The following SCARA5 variants were observed in gnomAD, a reference collection of about 807,000 sequenced individuals.
SCARA5 encodes the protein scavenger receptor class A, member 5 (putative).
In SCARA5, 45 loss-of-function variants were observed where a neutral mutation model predicts 46.3. That is an observed-to-expected ratio of 0.97 (90% CI 0.76 to 1.24). The LOEUF is 1.24. Among genes scored for constraint, SCARA5 ranks in the 50% most tolerant of loss-of-function variants. The pLI is 0.00. For missense variants in SCARA5, 680 were observed against 689.0 expected, an observed-to-expected ratio of 0.99 and a Z score of 0.15; for synonymous variants, 333 against 306.5, an observed-to-expected ratio of 1.09 and a Z score of -0.90.
At chr8:27,989,206 G>A (rs1808751521) in intron 1 of SCARA5, among the ~76,000 whole-genome samples, 1 of 135,232 alleles carries the variant, frequency 7.4e-6, no homozygotes, top group South Asian at 2.3e-4. Flanking sequence ...TGCAGTCTTG[G>A]CTCACTGCAA....
intron 3 of SCARA5, among the ~76,000 whole-genome samples, chr8:27,932,226 C>A (rs1807786415): frequency 1.3e-5 from 2 of 152,144 alleles, no homozygotes; most frequent in Non-Finnish European, 1.5e-5. Context: ...GCAATCTGCC[C>A]ACCTTGTCCT....
chr8:27,969,660 GATA>G (rs1300493478), intron 2 of SCARA5, among the ~76,000 whole-genome samples: 1 of 152,192 alleles, frequency 6.6e-6, no homozygotes, highest in East Asian at 1.9e-4. Context: ...GGCTCTGGGA[GATA>G]ATGATGTGTC....
intron 5 of SCARA5, among the ~76,000 whole-genome samples, chr8:27,909,307 A>G (rs1249020466): frequency 6.6e-6 from 1 of 152,090 alleles, no homozygotes; most frequent in Admixed American, 6.6e-5. Flanking sequence ...AGTGATCAGG[A>G]AACACTGATG....
chr8:27,956,658 C>G (rs1808212507), intron 3 of SCARA5, among the ~76,000 whole-genome samples: 1 of 152,242 alleles, frequency 6.6e-6, no homozygotes, highest in East Asian at 1.9e-4. Context: ...TCCTAGTTCT[C>G]AAGCTTCTGA....
chr8:27,880,271 T>C (rs1806790330), intron 7 of SCARA5, among the ~76,000 whole-genome samples: 1 of 152,066 alleles, frequency 6.6e-6, no homozygotes, highest in East Asian at 1.9e-4. Flanking sequence ...TGGGAAACAT[T>C]ATTCTGGACA....
At chr8:27,952,842 A>G (rs537299232) in intron 3 of SCARA5, among the ~76,000 whole-genome samples, 1 of 152,332 alleles carries the variant, frequency 6.6e-6, no homozygotes, top group East Asian at 1.9e-4. Flanking sequence ...GTCGTAACAC[A>G]TACCCAGTTC....
intron 7 of SCARA5, among the ~76,000 whole-genome samples, chr8:27,889,407 A>G (rs1377987678): frequency 6.6e-6 from 1 of 152,172 alleles, no homozygotes; most frequent in African/African-American, 2.4e-5. Flanking sequence ...CTTGAAGATG[A>G]CACAGTCCAC....
intron 3 of SCARA5, among the ~76,000 whole-genome samples, chr8:27,933,462 C>G (rs1434549582): frequency 1.4e-5 from 2 of 143,036 alleles, no homozygotes; most frequent in Non-Finnish European, 3.0e-5. Context: ...GTAGAGGTTG[C>G]AGTGAGCCAA....
chr8:27,910,999 C>T (rs1035882018), intron 4 of SCARA5, among the ~76,000 whole-genome samples: 2 of 152,174 alleles, frequency 1.3e-5, no homozygotes, highest in Admixed American at 6.5e-5. Context: ...GACCTGCCCA[C>T]GTCCACTCTG....
intron 3 of SCARA5, among the ~76,000 whole-genome samples, chr8:27,940,761 T>TCCAC (rs1563532893): frequency 6.7e-3 from 10 of 1,484 alleles, no homozygotes; most frequent in African/African-American, 7.0e-3. Flanking sequence ...CAACCATCTG[T>TCCAC]CCATCCATCC....
At chr8:27,941,178 G>C (rs1200845789) in intron 3 of SCARA5, among the ~76,000 whole-genome samples, 1 of 152,098 alleles carries the variant, frequency 6.6e-6, no homozygotes, top group Non-Finnish European at 1.5e-5. Context: ...AGATGATATA[G>C]AGGAAGCAGA....
intron 3 of SCARA5, among the ~76,000 whole-genome samples, chr8:27,940,991 T>C (rs1461139583): frequency 6.6e-6 from 1 of 152,188 alleles, no homozygotes; most frequent in African/African-American, 2.4e-5. Flanking sequence ...AACACTCCTA[T>C]GAAATTTTGC....
chr8:27,870,600 C>G lies in SCARA5; in HGVS notation c.*1334G>C, dbSNP rs139805160. 6.6e-6 allele frequency: 1 copy of G among 152,286 alleles called. No homozygotes were observed. The highest frequency in any genetic ancestry group is 1.9e-4 in the East Asian group (1 of 5,176). 9.4% of individuals were successfully genotyped at this position (152,286 alleles called of 1,614,324 possible). ...CCAAGGTGAGGTGGGTCTGCACTCA[C>G]TTGCTACCAGGTAGCTCCCCTAGTT... On this transcript the variant is annotated 3_prime_UTR_variant, in exon 9 of 9. Coordinates refer to ENST00000354914, the MANE Select transcript of SCARA5 (RefSeq NM_173833.6).
At position 27,871,982 on chromosome 8, in the gene SCARA5, T is replaced by G; in HGVS notation, c.1440A>C (p.Thr480=). 3 of 1,614,252 alleles carry G rather than the reference T, an allele frequency of 1.9e-6. No homozygotes were observed. The highest frequency in any genetic ancestry group is 2.5e-6 in the Non-Finnish European group (3 of 1,180,056). Residue 480 remains threonine (T), a synonymous_variant, in exon 9 of 9, where the codon ACA becomes ACC. Transcript: ENST00000354914. ...TGGCATCTTCGGCATGTCCACAGTT[T>G]GTCACCCCCCATTTGGAGAAGCTGC... is the stretch of plus-strand genomic sequence containing the variant. ...FRCSFSKWGV[T]NCGHAEDASV...
chr8:27,874,833 C>T (rs968114311), intron 8 of SCARA5, among the ~76,000 whole-genome samples: 4 of 152,206 alleles, frequency 2.6e-5, no homozygotes, highest in African/African-American at 9.7e-5. Context: ...ATGCTCCCAG[C>T]TGCGCTAGGT....
In SCARA5 at chr8:27,870,382, C is replaced by T. The variant is rs1364266009; in HGVS notation, c.*1552G>A. 1.3e-5 allele frequency: 2 copies of T among 152,504 alleles called. No individual in the cohort carries two copies. Among genetic ancestry groups the T allele is most frequent in the Admixed American group, 6.6e-5 (1 of 15,246 alleles). The allele number at this position is 152,504 out of a possible 1,614,324, so 9.4% of individuals were successfully genotyped here. A position where few individuals can be genotyped will look rare whatever the true frequency, so the allele number is the denominator to read the frequency against. ...GCAATTGGTCAGAAAGAGAGTTTCT[C>T]ATCATTAGGACATTTAAGGAGTGGC... On this transcript the variant is annotated 3_prime_UTR_variant, in exon 9 of 9. Transcript: ENST00000354914.
intron 3 of SCARA5, among the ~76,000 whole-genome samples, chr8:27,960,605 C>T (rs993979390): frequency 1.3e-5 from 2 of 152,176 alleles, no homozygotes; most frequent in African/African-American, 2.4e-5. Flanking sequence ...AACCAAGTCC[C>T]TTGGAGGTTA....
intron 7 of SCARA5, among the ~76,000 whole-genome samples, chr8:27,882,710 C>T (rs1048185490): frequency 1.3e-5 from 2 of 152,192 alleles, no homozygotes; most frequent in Admixed American, 6.5e-5. Context: ...TGAGATGCCA[C>T]CTGTTGTAAT....
intron 3 of SCARA5, among the ~76,000 whole-genome samples, chr8:27,965,517 G>T (rs970036579): frequency 2.6e-5 from 3 of 115,012 alleles, no homozygotes; most frequent in Non-Finnish European, 5.7e-5. Flanking sequence ...TTGAGGCAGG[G>T]CTCTATCTGC....
Sources: gnomAD v4.1 joint callset for allele counts (sites outside exome capture counted in the v4.1 genomes callset) on GRCh38, gnomAD v4.1.1 for gene constraint, MANE v1.5 for transcripts, NCBI Gene and HGNC (gene_info 2026-07-23, HGNC 2026-07-21) for gene names.